The following ATXN7L1 variants were observed in gnomAD, a reference collection of about 807,000 sequenced individuals.
ATXN7L1 encodes the protein ataxin-7-like protein 1.
Under a neutral mutation model 70.8 loss-of-function variants are expected in ATXN7L1, and 15 were observed. The ratio of observed to expected loss-of-function variants is 0.21; its 90% CI spans 0.14 to 0.33. ATXN7L1 has a LOEUF of 0.33. ATXN7L1 is among the 10% of genes least tolerant of loss of function. The pLI, the probability that ATXN7L1 is intolerant of heterozygous loss-of-function variation, is 1.00. For synonymous variants in ATXN7L1, 440 were observed against 445.1 expected (o/e 0.99, Z 0.14); for missense variants, 975 against 1,097.1 (o/e 0.89, Z 1.57).
chr7:105,716,921 A>G (rs1794634079), intron 3 of ATXN7L1, among the ~76,000 whole-genome samples: 2 of 152,142 alleles, frequency 1.3e-5, no homozygotes, highest in African/African-American at 4.8e-5. Flanking sequence ...AAAAAATCTA[A>G]TTATTAAAAT....
Position 105,774,353 on chromosome 7 carries a change from CT to C in ATXN7L1, c.355+14250del, listed in dbSNP as rs34037396. On this transcript the variant is annotated intron_variant, in intron 3 of 11. Transcript: ENST00000419735. ...AGGGTGTCAGTCAGAGCCAGCAACC[CT>C]TTTTTTTTTTTTTTTGAGACAGAGT... is the stretch of plus-strand genomic sequence containing the variant. Among the ~76,000 whole-genome samples, 603 of 135,344 alleles carry C rather than the reference CT, an allele frequency of 4.5e-3. 9 individuals are homozygous for C. The highest frequency in any genetic ancestry group is 0.013 in the East Asian group (59 of 4,618). The allele number at this position is 135,344 out of a possible 152,430, so 88.8% of individuals were successfully genotyped here.
intron 2 of ATXN7L1, among the ~76,000 whole-genome samples, chr7:105,862,869 C>G (rs1489115224): frequency 6.6e-6 from 1 of 152,172 alleles, no homozygotes; most frequent in Non-Finnish European, 1.5e-5. Context: ...GAGATGCATT[C>G]TGTGCCTTTC....
At chr7:105,657,702 CAAAAAAAAAAA>C (rs71155465) in intron 4 of ATXN7L1, among the ~76,000 whole-genome samples, 7 of 26,114 alleles carry the variant, frequency 2.7e-4, no homozygotes, top group South Asian at 2.4e-3. Context: ...GACCCTGTCT[CAAAAAAAAAAA>C]AAAAAAAAAA....
chr7:105,726,389 C>A (rs1238354951), intron 3 of ATXN7L1, among the ~76,000 whole-genome samples: 1 of 152,112 alleles, frequency 6.6e-6, no homozygotes, highest in African/African-American at 2.4e-5. Context: ...ATCCCCCATC[C>A]CTCAGGCAGC....
intron 3 of ATXN7L1, among the ~76,000 whole-genome samples, chr7:105,672,887 C>A (rs1803987347): frequency 6.6e-6 from 1 of 152,194 alleles, no homozygotes; most frequent in Non-Finnish European, 1.5e-5. Flanking sequence ...TTGGGGGGCC[C>A]CAGTACCAAA....
chr7:105,671,272 A>G (rs1417156388), intron 3 of ATXN7L1, among the ~76,000 whole-genome samples: 5 of 140,796 alleles, frequency 3.6e-5, no homozygotes, highest in Admixed American at 7.4e-5. Flanking sequence ...ACAGAGTGAG[A>G]CTCCGTCTCA....
At chr7:105,771,402 C>T (rs1378540215) in intron 3 of ATXN7L1, among the ~76,000 whole-genome samples, 1 of 152,046 alleles carries the variant, frequency 6.6e-6, no homozygotes, top group Non-Finnish European at 1.5e-5. Flanking sequence ...AATGACAAAT[C>T]TGATTTATGA....
chr7:105,855,660 A>G (rs1480428827), intron 2 of ATXN7L1, among the ~76,000 whole-genome samples: 1 of 152,224 alleles, frequency 6.6e-6, no homozygotes, highest in African/African-American at 2.4e-5. Context: ...AGAATAGTCA[A>G]CCCTCTGAAT....
At chr7:105,652,658 C>T (rs542984908) in intron 4 of ATXN7L1, among the ~76,000 whole-genome samples, 2 of 152,326 alleles carry the variant, frequency 1.3e-5, no homozygotes, top group Admixed American at 1.3e-4. Flanking sequence ...CAAGGGGAGA[C>T]AGGGCAACTC....
At chr7:105,871,236 T>A (rs904692563) in intron 2 of ATXN7L1, among the ~76,000 whole-genome samples, 2 of 152,090 alleles carry the variant, frequency 1.3e-5, no homozygotes, top group African/African-American at 4.8e-5. Context: ...TCTTTAAATA[T>A]GGGCAAATAG....
intron 3 of ATXN7L1, among the ~76,000 whole-genome samples, chr7:105,681,223 G>A (rs988769888): frequency 2.0e-5 from 3 of 152,178 alleles, no homozygotes; most frequent in Admixed American, 1.3e-4. Flanking sequence ...TCAGGAGTTC[G>A]AGACCAGCCT....
At chr7:105,700,233 C>T (rs1236337100) in intron 3 of ATXN7L1, among the ~76,000 whole-genome samples, 2 of 152,050 alleles carry the variant, frequency 1.3e-5, no homozygotes, top group African/African-American at 2.4e-5. Context: ...GGGCTGGGCG[C>T]GGTGGCTCAT....
chr7:105,627,266 G>C (rs28648371), intron 7 of ATXN7L1, among the ~76,000 whole-genome samples: 24,318 of 152,034 alleles, frequency 0.16, 2,120 homozygotes, highest in Middle Eastern at 0.24. Context: ...ATAGGATCTT[G>C]CTCTGTCACC....
intron 3 of ATXN7L1, among the ~76,000 whole-genome samples, chr7:105,700,977 C>T (rs1248269580): frequency 3.3e-5 from 5 of 152,162 alleles, no homozygotes; most frequent in South Asian, 2.1e-4. Context: ...CTACTGCGGC[C>T]GGCCCCTGTG....
At chr7:105,644,758 A>T (rs1205408099) in intron 4 of ATXN7L1, among the ~76,000 whole-genome samples, 2 of 152,244 alleles carry the variant, frequency 1.3e-5, no homozygotes, top group Admixed American at 1.3e-4. Flanking sequence ...TTCTAGGCTT[A>T]TTCCTTGACA....
At chr7:105,769,869 T>C (rs1013753296) in intron 3 of ATXN7L1, among the ~76,000 whole-genome samples, 8 of 152,214 alleles carry the variant, frequency 5.3e-5, no homozygotes, top group Non-Finnish European at 1.5e-5. Flanking sequence ...GCCCCTTCCA[T>C]TTTTCCTGCA....
At chr7:105,671,263 CAG>C (rs918221709) in intron 3 of ATXN7L1, among the ~76,000 whole-genome samples, 15 of 142,774 alleles carry the variant, frequency 1.1e-4, no homozygotes, top group Non-Finnish European at 4.5e-5. Flanking sequence ...AGCCTGACAA[CAG>C]AGTGAGACTC....
intron 3 of ATXN7L1, among the ~76,000 whole-genome samples, chr7:105,728,458 T>C (rs1484950796): frequency 6.6e-6 from 1 of 152,144 alleles, no homozygotes; most frequent in African/African-American, 2.4e-5. Flanking sequence ...ATGATCCATA[T>C]GGTAATTGGT....
intron 3 of ATXN7L1, among the ~76,000 whole-genome samples, chr7:105,691,118 C>T (rs768157780): frequency 3.4e-4 from 52 of 152,222 alleles, no homozygotes; most frequent in Non-Finnish European, 6.9e-4. Context: ...GTCCTGCAGA[C>T]CAGCCCTTGG....
Sources: allele counts gnomAD v4.1 joint callset (sites outside exome capture counted in the v4.1 genomes callset), GRCh38; gene constraint gnomAD v4.1.1; transcripts MANE v1.5; gene names NCBI Gene and HGNC (gene_info 2026-07-23, HGNC 2026-07-21).